PRDM16: variants seen among roughly 807,000 people sequenced by gnomAD.
PRDM16 encodes histone-lysine N-methyltransferase PRDM16.
PRDM16 carries 23 observed loss-of-function variants against 110.6 expected under a neutral mutation model. The observed-to-expected ratio is 0.21, with a 90% CI of 0.15 to 0.29. PRDM16 has a LOEUF of 0.29. Ranked by LOEUF, PRDM16 falls within the 10% of genes least tolerant of loss-of-function variation. The probability of loss-of-function intolerance (pLI) is 1.00; values close to 1 mark genes in which losing one functional copy is unlikely to be tolerated. For missense variants in PRDM16, 1,615 were observed against 1,794.3 expected (o/e 0.90, Z 1.81); for synonymous variants, 799 against 781.8 (o/e 1.02, Z -0.37).
chr1:3,416,900 G>A (rs1429969558), intron 10 of PRDM16, among the ~76,000 whole-genome samples: 1 of 152,238 alleles, frequency 6.6e-6, no homozygotes, highest in Non-Finnish European at 1.5e-5. Context: ...CTGGCACACA[G>A]CAGATATCAC....
At chr1:3,307,335 G>T (rs10909925) in intron 3 of PRDM16, 1 of 152,050 alleles carries the variant, frequency 6.6e-6, no homozygotes, top group East Asian at 1.9e-4. Context: ...CATCACCGAC[G>T]CTTGGCATGG....
At chr1:3,351,841 G>A (rs953464499) in intron 3 of PRDM16, among the ~76,000 whole-genome samples, 5 of 145,010 alleles carry the variant, frequency 3.4e-5, no homozygotes, top group African/African-American at 1.0e-4. Flanking sequence ...GGGGGGTTCC[G>A]CCTCCCCCTT....
At chr1:3,247,536 G>C (rs944074024) in intron 3 of PRDM16, among the ~76,000 whole-genome samples, 10 of 152,222 alleles carry the variant, frequency 6.6e-5, no homozygotes, top group Non-Finnish European at 1.5e-4. Flanking sequence ...GGAGGGCGGA[G>C]CCACCGCCAG....
At chr1:3,237,684 G>A (rs545404013) in intron 2 of PRDM16, among the ~76,000 whole-genome samples, 17 of 152,354 alleles carry the variant, frequency 1.1e-4, no homozygotes, top group Non-Finnish European at 2.4e-4. Context: ...GGAGATGCGC[G>A]CGGGGCCAGC....
At chr1:3,203,065 A>C (rs1430405407) in intron 2 of PRDM16, among the ~76,000 whole-genome samples, 3 of 152,122 alleles carry the variant, frequency 2.0e-5, no homozygotes, top group African/African-American at 7.2e-5. Flanking sequence ...ATCCCCGATG[A>C]ATTTGCTGTC....
chr1:3,262,065 A>C (rs78217156), intron 3 of PRDM16, among the ~76,000 whole-genome samples: 3,663 of 152,322 alleles, frequency 0.024, 150 homozygotes, highest in African/African-American at 0.083. Context: ...TTATTTGACT[A>C]ATGCGCCCTC....
At chr1:3,138,317 C>T (rs1433321460) in intron 1 of PRDM16, among the ~76,000 whole-genome samples, 1 of 152,220 alleles carries the variant, frequency 6.6e-6, no homozygotes, top group African/African-American at 2.4e-5. Flanking sequence ...GCTAAGAGAG[C>T]TGGAGGCAGC....
rs966520363 is a variant in PRDM16, at chr1:3,436,405, C to G, written c.*2594C>G. 1.3e-5 allele frequency: 3 copies of G among 230,572 alleles called. No individual in the cohort carries two copies. Among genetic ancestry groups the G allele is most frequent in the African/African-American group, 2.2e-5 (1 of 45,156 alleles). 14.3% of individuals were successfully genotyped at this position (230,572 alleles called of 1,614,324 possible). Reference sequence around the variant, plus strand: ...TGGCGCTCTTTCCTTCCACCTTTCCCAAGAGTCCTGGTTGCACGTTTTAAG... The same window carrying G: ...TGGCGCTCTTTCCTTCCACCTTTCCGAAGAGTCCTGGTTGCACGTTTTAAG... On this transcript the variant is annotated 3_prime_UTR_variant, in exon 17 of 17. Coordinates refer to ENST00000270722, the MANE Select transcript of PRDM16 (RefSeq NM_022114.4).
chr1:3,111,653 C>G (rs1642798080), intron 1 of PRDM16, among the ~76,000 whole-genome samples: 1 of 152,088 alleles, frequency 6.6e-6, no homozygotes, highest in African/African-American at 2.4e-5. Context: ...GCGCACGCCC[C>G]CTGGGGCGGG....
intron 3 of PRDM16, among the ~76,000 whole-genome samples, chr1:3,361,291 G>C (rs2100558857): frequency 6.6e-6 from 1 of 152,266 alleles, no homozygotes; most frequent in South Asian, 2.1e-4. Flanking sequence ...CCCCAACAGG[G>C]CTGGAGACGG....
At position 3,313,091 on chromosome 1, in the gene PRDM16, G is replaced by A. The variant is rs1225600364; in HGVS notation, c.438+68954G>A. Reference sequence around the variant, plus strand: ...CGTGTCCCAAGGCCATCTCCCAAGGGCACCCGCAGACACTGGGCAGCCTTC... The same window carrying A: ...CGTGTCCCAAGGCCATCTCCCAAGGACACCCGCAGACACTGGGCAGCCTTC... On this transcript the variant is annotated intron_variant, in intron 3 of 16. Transcript: ENST00000270722. 2.0e-5 allele frequency among the ~76,000 whole-genome samples: 3 copies of A among 152,236 alleles called. No individual in the cohort carries two copies. The East Asian group carries it at 5.8e-4, about 29-fold the overall frequency.
At chr1:3,240,407 CAAAAA>C (rs113979441) in intron 2 of PRDM16, among the ~76,000 whole-genome samples, 1 of 105,290 alleles carries the variant, frequency 9.5e-6, no homozygotes, top group African/African-American at 3.2e-5. Context: ...CAACCTGTTT[CAAAAA>C]AAAAAAAAAA....
At chr1:3,400,457 G>T (rs1239655586) in intron 5 of PRDM16, among the ~76,000 whole-genome samples, 1 of 152,180 alleles carries the variant, frequency 6.6e-6, no homozygotes. Flanking sequence ...GACTTCTAGG[G>T]TGAGTATTTC....
chr1:3,258,283 G>A (rs559952513), intron 3 of PRDM16, among the ~76,000 whole-genome samples: 1 of 152,184 alleles, frequency 6.6e-6, no homozygotes, highest in South Asian at 2.1e-4. Flanking sequence ...TGTTATCTAT[G>A]GGGGGGATAT....
At chr1:3,083,627 G>A (rs1001068829) in intron 1 of PRDM16, among the ~76,000 whole-genome samples, 10 of 152,122 alleles carry the variant, frequency 6.6e-5, no homozygotes, top group African/African-American at 2.2e-4. Flanking sequence ...CATGCTGGGT[G>A]GGGAGGGTGG....
At chr1:3,338,269 C>G (rs1028682987) in intron 3 of PRDM16, among the ~76,000 whole-genome samples, 6 of 152,278 alleles carry the variant, frequency 3.9e-5, no homozygotes, top group African/African-American at 1.4e-4. Context: ...TTCCGTGGTC[C>G]TGCCAGGGGC....
intron 1 of PRDM16, among the ~76,000 whole-genome samples, chr1:3,113,496 G>C (rs1285502303): frequency 1.3e-5 from 2 of 152,008 alleles, no homozygotes; most frequent in African/African-American, 4.8e-5. Context: ...GAGGGAGGGA[G>C]GGAGGGGAGG....
intron 1 of PRDM16, among the ~76,000 whole-genome samples, chr1:3,145,030 T>C (rs757532306): frequency 1.3e-5 from 2 of 152,124 alleles, no homozygotes; most frequent in Non-Finnish European, 2.9e-5. Flanking sequence ...TGCCCACTCG[T>C]CTTGGAAGGA....
At chr1:3,423,312 C>A (rs1176179517) in intron 12 of PRDM16, among the ~76,000 whole-genome samples, 1 of 152,220 alleles carries the variant, frequency 6.6e-6, no homozygotes, top group South Asian at 2.1e-4. Flanking sequence ...CGGCCGCAGC[C>A]CCTGCACGTG....
Sources: gnomAD v4.1 joint callset for allele counts (sites outside exome capture counted in the v4.1 genomes callset) on GRCh38, gnomAD v4.1.1 for gene constraint, MANE v1.5 for transcripts, NCBI Gene and HGNC (gene_info 2026-07-23, HGNC 2026-07-21) for gene names.